The following ADK variants were observed in gnomAD, a reference collection of about 807,000 sequenced individuals.
The protein encoded by ADK is N6,N6-dimethyladenosine kinase.
A neutral mutation model predicts 44.7 loss-of-function variants in ADK; 24 were observed. The observed-to-expected ratio is 0.54, with a 90% CI of 0.39 to 0.76. The LOEUF (loss-of-function observed/expected upper bound fraction) is 0.76. Ranked by LOEUF, ADK falls within the 30% of genes least tolerant of loss-of-function variation. ADK has a pLI of 0.00. For synonymous variants in ADK, 128 were observed against 142.6 expected, an observed-to-expected ratio of 0.90 and a Z score of 0.73; for missense variants, 321 against 425.1, an observed-to-expected ratio of 0.76 and a Z score of 2.15.
At chr10:74,252,908 G>T (rs1845697866) in intron 3 of ADK, among the ~76,000 whole-genome samples, 1 of 152,174 alleles carries the variant, frequency 6.6e-6, no homozygotes, top group African/African-American at 2.4e-5. Context: ...CATTAGAGTG[G>T]CCTGAGCTAA....
Position 74,248,391 on chromosome 10 carries a change from C to T in ADK, c.194+23800C>T, listed in dbSNP as rs143030674. On this transcript the variant is annotated intron_variant, in intron 3 of 10. Coordinates refer to ENST00000539909, the MANE Select transcript of ADK (RefSeq NM_006721.4). ...TGCTTTTTTTTTTGAGGTGGAGTCT[C>T]GCTTGTCACCAGGCTAGAGTGCAGT... Among the ~76,000 whole-genome samples, 937 of 151,914 alleles carry T rather than the reference C, an allele frequency of 6.2e-3. 7 individuals are homozygous for T. Among genetic ancestry groups the T allele is most frequent in the Middle Eastern group, 0.027 (8 of 294 alleles).
In ADK at chr10:74,551,030, T is replaced by A. The variant is rs79902775; in HGVS notation, c.726+25604T>A. ...GCTCTGAACTATTTTTTAAGTAAAA[T>A]TTTTTTTAGATGAAGACAAGCTTGT... On this transcript the variant is annotated intron_variant, in intron 7 of 10. Coordinates refer to ENST00000539909, the MANE Select transcript of ADK (RefSeq NM_006721.4). Among the ~76,000 whole-genome samples, 210 of 152,018 alleles carry A rather than the reference T, an allele frequency of 1.4e-3. 1 individual carries two copies. The highest frequency in any genetic ancestry group is 3.0e-3 in the Admixed American group (46 of 15,272).
chr10:74,593,475 C>CAA (rs35392498), intron 8 of ADK, among the ~76,000 whole-genome samples: 39 of 148,764 alleles, frequency 2.6e-4, no homozygotes, highest in African/African-American at 7.6e-4. Flanking sequence ...CTAGCAATGA[C>CAA]AAAAAAAAAG....
chr10:74,468,967 G>A (rs1288479668), intron 6 of ADK, among the ~76,000 whole-genome samples: 1 of 151,390 alleles, frequency 6.6e-6, no homozygotes, highest in East Asian at 1.9e-4. Context: ...GTATGTGCAT[G>A]TGTGGGTGTG....
chr10:74,160,237 C>T (rs1047729736), intron 1 of ADK, among the ~76,000 whole-genome samples: 1 of 152,168 alleles, frequency 6.6e-6, no homozygotes, highest in African/African-American at 2.4e-5. Flanking sequence ...TTTCCCATTG[C>T]CACGGCAACA....
chr10:74,439,216 A>G (rs1369627712), intron 6 of ADK, among the ~76,000 whole-genome samples: 2 of 152,198 alleles, frequency 1.3e-5, no homozygotes, highest in Non-Finnish European at 1.5e-5. Context: ...TTCCACTGAA[A>G]GAGACTTGCC....
chr10:74,263,899 T>C (rs1307311968), intron 3 of ADK, among the ~76,000 whole-genome samples: 2 of 152,242 alleles, frequency 1.3e-5, no homozygotes, highest in African/African-American at 2.4e-5. Flanking sequence ...ATTTATTCTT[T>C]GGTTGAGGAA....
chr10:74,696,266 C>T (rs1856198215), intron 10 of ADK, among the ~76,000 whole-genome samples: 1 of 152,246 alleles, frequency 6.6e-6, no homozygotes, highest in South Asian at 2.1e-4. Flanking sequence ...AGTGATCCAC[C>T]AGCCTCGGCC....
intron 9 of ADK, among the ~76,000 whole-genome samples, chr10:74,606,805 CGTT>C (rs1437831964): frequency 6.6e-6 from 1 of 151,764 alleles, no homozygotes; most frequent in African/African-American, 2.4e-5. Context: ...TTTTTGGTCT[CGTT>C]GATCTAATAT....
chr10:74,609,119 A>C (rs1397946062), intron 9 of ADK, among the ~76,000 whole-genome samples: 1 of 152,174 alleles, frequency 6.6e-6, no homozygotes, highest in Non-Finnish European at 1.5e-5. Flanking sequence ...GGTCGACTTC[A>C]GACTGCTGTG....
chr10:74,172,132 AT>A (rs1842176944), intron 1 of ADK, among the ~76,000 whole-genome samples: 1 of 106,980 alleles, frequency 9.3e-6, no homozygotes, highest in Non-Finnish European at 1.8e-5. Flanking sequence ...CAGTACATGG[AT>A]TTTCTTTTTT....
intron 9 of ADK, among the ~76,000 whole-genome samples, chr10:74,619,039 TG>T (rs1852882111): frequency 6.6e-6 from 1 of 151,454 alleles, no homozygotes; most frequent in Non-Finnish European, 1.5e-5. Flanking sequence ...TGTGTGTGTG[TG>T]TGTGTGTGTG....
At chr10:74,390,562 A>G (rs975828554) in intron 4 of ADK, among the ~76,000 whole-genome samples, 11 of 152,172 alleles carry the variant, frequency 7.2e-5, no homozygotes, top group African/African-American at 2.7e-4. Context: ...ATTCTGAAGT[A>G]TTTATTCCTT....
intron 6 of ADK, among the ~76,000 whole-genome samples, chr10:74,524,580 A>G (rs1187064937): frequency 1.3e-5 from 2 of 152,138 alleles, no homozygotes; most frequent in African/African-American, 4.8e-5. Context: ...TTTTGTAGAG[A>G]CAGAGTTCCG....
At chr10:74,434,142 A>G (rs1466496576) in intron 6 of ADK, among the ~76,000 whole-genome samples, 1 of 152,170 alleles carries the variant, frequency 6.6e-6, no homozygotes, top group Non-Finnish European at 1.5e-5. Context: ...ATACAGGAAG[A>G]ATGCCAAAAA....
At chr10:74,340,696 G>C (rs1449331768) in intron 4 of ADK, among the ~76,000 whole-genome samples, 1 of 152,142 alleles carries the variant, frequency 6.6e-6, no homozygotes, top group Non-Finnish European at 1.5e-5. Context: ...CTGGAAACCA[G>C]TGGAGGAAAA....
chr10:74,243,771 G>A (rs1845312754), intron 3 of ADK, among the ~76,000 whole-genome samples: 1 of 152,074 alleles, frequency 6.6e-6, no homozygotes, highest in South Asian at 2.1e-4. Flanking sequence ...TCTGAGGCAC[G>A]GAAATCGCTT....
intron 8 of ADK, among the ~76,000 whole-genome samples, chr10:74,596,682 A>T (rs1851937226): frequency 2.6e-5 from 4 of 152,078 alleles, no homozygotes; most frequent in Admixed American, 2.6e-4. Context: ...AGTAGCTGGG[A>T]CTATAGGCGC....
chr10:74,203,414 A>G (rs1843469814), intron 2 of ADK, among the ~76,000 whole-genome samples: 2 of 151,882 alleles, frequency 1.3e-5, no homozygotes. Context: ...GATGGGGTGC[A>G]GTGATGCAAT....
Sources: allele counts gnomAD v4.1 joint callset (sites outside exome capture counted in the v4.1 genomes callset), GRCh38; gene constraint gnomAD v4.1.1; transcripts MANE v1.5; gene names NCBI Gene and HGNC (gene_info 2026-07-23, HGNC 2026-07-21).